Variants in GRK5 observed in about 807,000 individuals in gnomAD.
The protein encoded by GRK5 is g protein-coupled receptor kinase GRK5.
Under a neutral mutation model 78.4 loss-of-function variants are expected in GRK5, and 40 were observed. The ratio of observed to expected loss-of-function variants is 0.51; its 90% CI spans 0.40 to 0.66. The LOEUF is 0.66. GRK5 is among the 30% of genes least tolerant of loss of function. The pLI, the probability that GRK5 is intolerant of heterozygous loss-of-function variation, is 0.00. For missense variants in GRK5, 598 were observed against 759.9 expected, an observed-to-expected ratio of 0.79 and a Z score of 2.50; for synonymous variants, 289 against 296.8, an observed-to-expected ratio of 0.97 and a Z score of 0.27.
chr10:119,452,530 C>A lies in GRK5; in HGVS notation c.1405-141C>A. 3 of 982,374 alleles carry A rather than the reference C, an allele frequency of 3.1e-6. No homozygotes were observed. The highest frequency in any genetic ancestry group is 2.5e-5 in the Admixed American group (1 of 40,356). The allele number at this position is 982,374 out of a possible 1,614,324, so 60.9% of individuals were successfully genotyped here. A position where few individuals can be genotyped will look rare whatever the true frequency, so the allele number is the denominator to read the frequency against. The stretch of plus-strand genomic sequence containing the variant: ...GACTCACCTGCATCTGAGCCACACA[C>A]CCTCCAGCCACTACCCATAGCAGTT... On this transcript the variant is annotated intron_variant, in intron 13 of 15. Transcript: ENST00000392870. This position sits in a 1 kb window ranked among gnomAD's most constrained non-coding sequence, Gnocchi z 4.4.
intron 3 of GRK5, 81 bp from the exon 4 acceptor site, chr10:119,396,614 C>T (rs1365914310): frequency 3.3e-6 from 4 of 1,225,460 alleles, no homozygotes; most frequent in Non-Finnish European, 3.6e-6. Flanking sequence ...AGGGGATTTC[C>T]TCCAGGGGCT....
chr10:119,443,821 G>A lies in GRK5; in HGVS notation c.1266+69G>A, dbSNP rs544594656. Reference sequence around the variant, plus strand: ...CCCTCCCTGGGCCTGGCCCCAGTCTGTCCCCAGAACAGCAAACAGGCTGAA... The same window carrying A: ...CCCTCCCTGGGCCTGGCCCCAGTCTATCCCCAGAACAGCAAACAGGCTGAA... On this transcript the variant is annotated intron_variant, in intron 12 of 15. Transcript: ENST00000392870. 7.2e-5 allele frequency: 98 copies of A among 1,353,344 alleles called. No individual in the cohort carries two copies. The African/African-American group carries it at 1.3e-3, about 17-fold the overall frequency. 83.8% of individuals were successfully genotyped at this position (1,353,344 alleles called of 1,614,324 possible). A position where few individuals can be genotyped will look rare whatever the true frequency, so the allele number is the denominator to read the frequency against.
intron 1 of GRK5, among the ~76,000 whole-genome samples, chr10:119,294,388 A>G (rs570049920): frequency 7.2e-5 from 11 of 152,174 alleles, no homozygotes; most frequent in African/African-American, 2.4e-4. Flanking sequence ...AGTTGGGGTG[A>G]GGGGCTGGGT....
At position 119,431,579 on chromosome 10, in the gene GRK5, C is replaced by T; in HGVS notation, c.738+52C>T. 6.3e-7 allele frequency: 1 copy of T among 1,584,710 alleles called. No homozygotes were observed. The highest frequency in any genetic ancestry group is 1.2e-5 in the South Asian group (1 of 86,718). ...CGGCTCGCCCTTCTGTGGACTGGGG[C>T]TTCCCTCCCTCCGGAAGGGCGTGGT... On this transcript the variant is annotated intron_variant, in intron 8 of 15. Transcript: ENST00000392870. The surrounding 1 kb of genome is among the most constrained non-coding windows in gnomAD (Gnocchi z 4.8).
chr10:119,327,450 G>A (rs138196947), intron 2 of GRK5, among the ~76,000 whole-genome samples: 1 of 152,180 alleles, frequency 6.6e-6, no homozygotes, highest in African/African-American at 2.4e-5. Context: ...ATTGTCAGAG[G>A]TCATGGACGT....
intron 4 of GRK5, among the ~76,000 whole-genome samples, chr10:119,403,249 C>T (rs1322756153): frequency 6.6e-6 from 1 of 151,936 alleles, no homozygotes. Flanking sequence ...TCACTGCAAG[C>T]TCCGCCTCCC....
At position 119,312,465 on chromosome 10, in the gene GRK5, C is replaced by T. The variant is rs539721963; in HGVS notation, c.53-14051C>T. 9.3e-4 allele frequency among the ~76,000 whole-genome samples: 142 copies of T among 152,294 alleles called. 1 individual carries two copies. The highest frequency in any genetic ancestry group is 3.2e-3 in the African/African-American group (133 of 41,558). ...GCTGCACCTCGAGAGCCCAATCCGG[C>T]CACTGCCTGTTTTTGTAAATGAAGT... On this transcript the variant is annotated intron_variant, in intron 1 of 15. Transcript: ENST00000392870.
chr10:119,364,121 C>A lies in GRK5; in HGVS notation c.149-16694C>A, dbSNP rs291970. On this transcript the variant is annotated intron_variant, in intron 2 of 15. Coordinates refer to ENST00000392870, the MANE Select transcript of GRK5 (RefSeq NM_005308.3). ...TCTCTGGGCCTAGCACAGTGTAGGG[C>A]GCAAAGCAGGGTTCAGTAAATCCAT... 4.6e-5 allele frequency among the ~76,000 whole-genome samples: 7 copies of A among 152,198 alleles called. No individual in the cohort carries two copies. In the East Asian group the frequency reaches 1.4e-3, roughly 29 times the overall value.
chr10:119,397,429 G>T (rs1462312709), intron 4 of GRK5, among the ~76,000 whole-genome samples: 2 of 152,144 alleles, frequency 1.3e-5, no homozygotes, highest in African/African-American at 4.8e-5. Flanking sequence ...CTGCCCACTT[G>T]GTCAAGCCAC....
chr10:119,410,774 G>T (rs1852323947), intron 4 of GRK5, among the ~76,000 whole-genome samples: 1 of 151,920 alleles, frequency 6.6e-6, no homozygotes, highest in Non-Finnish European at 1.5e-5. Context: ...AATGGCATGA[G>T]CTGGAGGATA....
At chr10:119,380,657 G>C (rs2133830873) in intron 2 of GRK5, among the ~76,000 whole-genome samples, 158 bp from the exon 3 acceptor site, 1 of 152,292 alleles carries the variant, frequency 6.6e-6, no homozygotes, top group Non-Finnish European at 1.5e-5. Context: ...ACGTCTCTCT[G>C]AGTCTGTGAA....
At chr10:119,239,829 C>G (rs1307964768) in intron 1 of GRK5, among the ~76,000 whole-genome samples, 2 of 152,070 alleles carry the variant, frequency 1.3e-5, no homozygotes, top group Non-Finnish European at 2.9e-5. Flanking sequence ...TCATTCATGT[C>G]CCTGCAAAGG....
At chr10:119,216,690 C>T (rs1483985744) in intron 1 of GRK5, among the ~76,000 whole-genome samples, 4 of 152,138 alleles carry the variant, frequency 2.6e-5, no homozygotes, top group African/African-American at 4.8e-5. Context: ...TGGTGGCTCA[C>T]GCCTGTAATC....
At chr10:119,276,763 G>A (rs560662889) in intron 1 of GRK5, among the ~76,000 whole-genome samples, 1 of 152,278 alleles carries the variant, frequency 6.6e-6, no homozygotes, top group African/African-American at 2.4e-5. Context: ...GGGAGGGTAA[G>A]GTAGAAAACT....
At position 119,456,599 on chromosome 10, in the gene GRK5, A is replaced by C. The variant is rs1853405807; in HGVS notation, c.*1532A>C. 6.6e-6 allele frequency: 1 copy of C among 152,286 alleles called. No individual in the cohort carries two copies. The highest frequency in any genetic ancestry group is 6.5e-5 in the Admixed American group (1 of 15,278). The allele number at this position is 152,286 out of a possible 1,614,324, so 9.4% of individuals were successfully genotyped here. On this transcript the variant is annotated 3_prime_UTR_variant, in exon 16 of 16. Transcript: ENST00000392870. The surrounding 1 kb of genome is among the most constrained non-coding windows in gnomAD (Gnocchi z 5.5). The stretch of plus-strand genomic sequence containing the variant: ...CTGACTGTGCCACCCAGCAGCTGCC[A>C]GGGTCTCTCACCATGTGGACCCTGC...
Position 119,425,868 on chromosome 10 carries a change from T to G in GRK5, c.533+783T>G, listed in dbSNP as rs919764596. ...CTGTGACAGATGAGGAAGCAGAACA[T>G]AGGACCTGACTTAGCTTCCCAGCAA... is the stretch of plus-strand genomic sequence containing the variant. On this transcript the variant is annotated intron_variant, in intron 6 of 15. Transcript: ENST00000392870. Among the ~76,000 whole-genome samples, 4 of 152,234 alleles carry G rather than the reference T, an allele frequency of 2.6e-5. No individual in the cohort carries two copies. The East Asian group carries it at 7.7e-4, about 29-fold the overall frequency.
intron 1 of GRK5, among the ~76,000 whole-genome samples, chr10:119,259,159 G>T (rs1320356717): frequency 6.7e-6 from 1 of 149,320 alleles, no homozygotes; most frequent in East Asian, 2.0e-4. Flanking sequence ...CCGTCTCCCA[G>T]GTTCACGCCA....
intron 1 of GRK5, among the ~76,000 whole-genome samples, chr10:119,307,975 G>C (rs1850298931): frequency 6.6e-6 from 1 of 152,114 alleles, no homozygotes; most frequent in Non-Finnish European, 1.5e-5. Context: ...AGGGTCATGG[G>C]GAACCTGGGG....
chr10:119,347,886 G>T (rs545586544), intron 2 of GRK5, among the ~76,000 whole-genome samples: 44 of 152,350 alleles, frequency 2.9e-4, no homozygotes, highest in Non-Finnish European at 5.9e-4. Flanking sequence ...ACCTGCCATG[G>T]TTGCAGTGGG....
Sources: allele counts gnomAD v4.1 joint callset (sites outside exome capture counted in the v4.1 genomes callset), GRCh38; gene constraint gnomAD v4.1.1; non-coding constraint Gnocchi (gnomAD v3.1); transcripts MANE v1.5; gene names NCBI Gene and HGNC (gene_info 2026-07-23, HGNC 2026-07-21).